IL2RA: variants seen among roughly 807,000 people sequenced by gnomAD.
The protein encoded by IL2RA is interleukin 2 receptor subunit alpha.
IL2RA carries 24 observed loss-of-function variants against 37.8 expected under a neutral mutation model. That is an observed-to-expected ratio of 0.63 (90% CI 0.46 to 0.89). The LOEUF (loss-of-function observed/expected upper bound fraction) is 0.89. IL2RA is among the 40% of genes least tolerant of loss of function. The pLI is 0.00. For synonymous variants in IL2RA, 125 were observed against 114.6 expected, an observed-to-expected ratio of 1.09 and a Z score of -0.58; for missense variants, 319 against 348.6, an observed-to-expected ratio of 0.92 and a Z score of 0.68.
intron 1 of IL2RA, among the ~76,000 whole-genome samples, chr10:6,040,232 G>A (rs1436693840): frequency 6.6e-6 from 1 of 152,176 alleles, no homozygotes; most frequent in Non-Finnish European, 1.5e-5. Flanking sequence ...TACTTTCTAA[G>A]CTGAAAAACA....
At position 6,018,207 on chromosome 10, in the gene IL2RA, A is replaced by G. The variant is rs1839311115; in HGVS notation, c.728-88T>C. ...CAGGGCCACAGGGCAGGCTGAGGAC[A>G]TCCCCAAAGAGCAAGGCGGAGGCTG... On this transcript the variant is annotated intron_variant, in intron 6 of 7. Coordinates refer to ENST00000379959, the MANE Select transcript of IL2RA (RefSeq NM_000417.3). The surrounding 1 kb of genome is among the most constrained non-coding windows in gnomAD (Gnocchi z 5.1). 5.1e-6 allele frequency: 5 copies of G among 987,606 alleles called. No homozygotes were observed. Among genetic ancestry groups the G allele is most frequent in the African/African-American group, 4.8e-5 (3 of 62,750 alleles). 61.2% of individuals were successfully genotyped at this position (987,606 alleles called of 1,614,324 possible).
chr10:6,046,440 C>T lies in IL2RA; in HGVS notation c.64+15648G>A, dbSNP rs1839861117. Among the ~76,000 whole-genome samples the T allele has an allele frequency of 1.3e-5, 2 of 152,114 alleles. No homozygotes were observed. Among genetic ancestry groups the T allele is most frequent in the South Asian group, 4.1e-4 (2 of 4,820 alleles). On this transcript the variant is annotated intron_variant, in intron 1 of 7. Transcript: ENST00000379959. This position sits in a 1 kb window ranked among gnomAD's most constrained non-coding sequence, Gnocchi z 4.8. ...ATGCTACCCCAGACATCGGGTAAGACAATGACATTTCAGGCACTGTGGGAT... is the reference window on the plus strand; with the variant it reads ...ATGCTACCCCAGACATCGGGTAAGATAATGACATTTCAGGCACTGTGGGAT...
Position 6,029,140 on chromosome 10 carries a change from ATTTATTTATTTATT to A in IL2RA, c.65-3129_65-3116del, listed in dbSNP as rs1839535108. Reference sequence around the variant, plus strand: ...TTGCTGCCATTTATTTTATTTATTTATTTATTTATTTATTTATTTATTTATTTATTTATTTATTT... The same window carrying A: ...TTGCTGCCATTTATTTTATTTATTTATATTTATTTATTTATTTATTTATTT... On this transcript the variant is annotated intron_variant, in intron 1 of 7. Transcript: ENST00000379959. This position sits in a 1 kb window ranked among gnomAD's most constrained non-coding sequence, Gnocchi z 4.6. Among the ~76,000 whole-genome samples the A allele has an allele frequency of 3.1e-5, 2 of 65,436 alleles. No individual in the cohort carries two copies. Among genetic ancestry groups the A allele is most frequent in the African/African-American group, 1.2e-4 (2 of 16,800 alleles). 42.9% of individuals were successfully genotyped at this position (65,436 alleles called of 152,430 possible). A position where few individuals can be genotyped will look rare whatever the true frequency, so the allele number is the denominator to read the frequency against.
chr10:6,059,515 TAAG>T lies in IL2RA; in HGVS notation c.64+2570_64+2572del, dbSNP rs1840093222. Among the ~76,000 whole-genome samples, 3 of 152,154 alleles carry T rather than the reference TAAG, an allele frequency of 2.0e-5. No individual in the cohort carries two copies. The South Asian group carries it at 6.2e-4, about 32-fold the overall frequency. On this transcript the variant is annotated intron_variant, in intron 1 of 7. Transcript: ENST00000379959. Reference sequence around the variant, plus strand: ...TTCTTTATTGCCTACTAGGTGAAGTTAAGAAGTTATCACTAGGAGAATTCTCTT... The same window carrying T: ...TTCTTTATTGCCTACTAGGTGAAGTTAAGTTATCACTAGGAGAATTCTCTT...
At position 6,029,801 on chromosome 10, in the gene IL2RA, T is replaced by A. The variant is rs1839548275; in HGVS notation, c.65-3776A>T. On this transcript the variant is annotated intron_variant, in intron 1 of 7. Coordinates refer to ENST00000379959, the MANE Select transcript of IL2RA (RefSeq NM_000417.3). The surrounding 1 kb of genome is among the most constrained non-coding windows in gnomAD (Gnocchi z 4.6). The stretch of plus-strand genomic sequence containing the variant: ...CTCACTGAAACCTCTGCCTCCCAGA[T>A]TCAAGTGATTCTTCTGCCTCAGCCT... Among the ~76,000 whole-genome samples the A allele has an allele frequency of 6.6e-6, 1 of 152,098 alleles. No homozygotes were observed. Among genetic ancestry groups the A allele is most frequent in the African/African-American group, 2.4e-5 (1 of 41,424 alleles).
At position 6,015,454 on chromosome 10, in the gene IL2RA, C is replaced by T. The variant is rs114731188; in HGVS notation, c.795-2558G>A. ...CAGAGTCTGCTCCCTGGAACGGCAG[C>T]GTCAGTATCACCTGGGAACCTGATA... On this transcript the variant is annotated intron_variant, in intron 7 of 7. Coordinates refer to ENST00000379959, the MANE Select transcript of IL2RA (RefSeq NM_000417.3). This position sits in a 1 kb window ranked among gnomAD's most constrained non-coding sequence, Gnocchi z 4.9. Among the ~76,000 whole-genome samples, 395 of 152,242 alleles carry T rather than the reference C, an allele frequency of 2.6e-3. No homozygotes were observed. Among genetic ancestry groups the T allele is most frequent in the African/African-American group, 9.2e-3 (381 of 41,554 alleles).
rs1444033179 is a variant in IL2RA, at chr10:6,025,159, GC to G, written c.256+674del. Reference sequence around the variant, plus strand: ...ACTTGAGGCCAGGAGTTCGAGACCAGCCTGGCCAACATGGCGAAACCCCATC... The same window carrying G: ...ACTTGAGGCCAGGAGTTCGAGACCAGCTGGCCAACATGGCGAAACCCCATC... On this transcript the variant is annotated intron_variant, in intron 2 of 7. Coordinates refer to ENST00000379959, the MANE Select transcript of IL2RA (RefSeq NM_000417.3). The surrounding 1 kb of genome is among the most constrained non-coding windows in gnomAD (Gnocchi z 4.4). Among the ~76,000 whole-genome samples, 1 of 151,964 alleles carries G rather than the reference GC, an allele frequency of 6.6e-6. No homozygotes were observed. Among genetic ancestry groups the G allele is most frequent in the Non-Finnish European group, 1.5e-5 (1 of 67,990 alleles).
Position 6,036,047 on chromosome 10 carries a change from A to G in IL2RA, c.65-10022T>C, listed in dbSNP as rs963696511. 2.0e-5 allele frequency: 3 copies of G among 152,304 alleles called. No homozygotes were observed. The highest frequency in any genetic ancestry group is 2.0e-4 in the Admixed American group (3 of 15,288). The allele number at this position is 152,304 out of a possible 1,614,324, so 9.4% of individuals were successfully genotyped here. ...GTGACGGAGAGCCACCTCCTCTGGA[A>G]TGCATCATGGAACAGGTCTGGGAGA... On this transcript the variant is annotated intron_variant, in intron 1 of 7. Coordinates refer to ENST00000379959, the MANE Select transcript of IL2RA (RefSeq NM_000417.3). This position sits in a 1 kb window ranked among gnomAD's most constrained non-coding sequence, Gnocchi z 6.1.
Position 6,020,732 on chromosome 10 carries a change from C to T in IL2RA, c.583+746G>A, listed in dbSNP as rs1589292790. Among the ~76,000 whole-genome samples, 2 of 152,058 alleles carry T rather than the reference C, an allele frequency of 1.3e-5. No homozygotes were observed. Among genetic ancestry groups the T allele is most frequent in the Non-Finnish European group, 2.9e-5 (2 of 68,018 alleles). On this transcript the variant is annotated intron_variant, in intron 4 of 7. Coordinates refer to ENST00000379959, the MANE Select transcript of IL2RA (RefSeq NM_000417.3). The surrounding 1 kb of genome is among the most constrained non-coding windows in gnomAD (Gnocchi z 5.6). Reference sequence around the variant, plus strand: ...ATTTTTAGTAGAGACGGGGTTTCACCATGTTGGCCAGGCTGGTCTCGAACT... The same window carrying T: ...ATTTTTAGTAGAGACGGGGTTTCACTATGTTGGCCAGGCTGGTCTCGAACT...
intron 7 of IL2RA, chr10:6,016,967 T>C (rs962959393): frequency 6.6e-6 from 1 of 152,264 alleles, no homozygotes; most frequent in African/African-American, 2.4e-5. Context: ...TGTTCTTCTA[T>C]TGTTGCAAAT....
chr10:6,026,296 G>T (rs778774695), intron 1 of IL2RA, among the ~76,000 whole-genome samples: 11 of 152,102 alleles, frequency 7.2e-5, no homozygotes, highest in Admixed American at 3.3e-4. Context: ...GTTTTATTCC[G>T]AATATGCCTC....
At chr10:6,024,664 A>T (rs1002518159) in intron 2 of IL2RA, among the ~76,000 whole-genome samples, 2 of 152,034 alleles carry the variant, frequency 1.3e-5, no homozygotes, top group Non-Finnish European at 2.9e-5. Context: ...CATGTATGTT[A>T]TGTGTGCATG....
At chr10:6,053,169 A>G (rs758067861) in intron 1 of IL2RA, among the ~76,000 whole-genome samples, 21 of 152,338 alleles carry the variant, frequency 1.4e-4, no homozygotes, top group Middle Eastern at 3.4e-3. Context: ...CTTTAGCAGC[A>G]GTTTAGACAG....
At chr10:6,019,767 TC>T (rs28360486) in intron 5 of IL2RA, 102 bp downstream of exon 5, 53,155 of 1,088,590 alleles carry the variant, frequency 0.049, 2,529 homozygotes, top group Admixed American at 0.21. Flanking sequence ...TGTGGGCTTC[TC>T]CCCTACAGGT....
chr10:6,044,906 T>C lies in IL2RA; in HGVS notation c.64+17182A>G, dbSNP rs1008006864. Among the ~76,000 whole-genome samples, 1 of 152,172 alleles carries C rather than the reference T, an allele frequency of 6.6e-6. No individual in the cohort carries two copies. Among genetic ancestry groups the C allele is most frequent in the African/African-American group, 2.4e-5 (1 of 41,444 alleles). On this transcript the variant is annotated intron_variant, in intron 1 of 7. Transcript: ENST00000379959. The surrounding 1 kb of genome is among the most constrained non-coding windows in gnomAD (Gnocchi z 4.5). ...GCATTAGCACTGGTGCTGTTACCCA[T>C]TGATTGGTTCATTCAAGCAAACATT...
chr10:6,023,689 C>T (rs1839427861), intron 3 of IL2RA, among the ~76,000 whole-genome samples: 1 of 152,232 alleles, frequency 6.6e-6, no homozygotes, highest in Admixed American at 6.5e-5. Context: ...AAGCAGAGGG[C>T]AGACAAGGGA....
chr10:6,050,976 C>A (rs1839945133), intron 1 of IL2RA, among the ~76,000 whole-genome samples: 1 of 152,102 alleles, frequency 6.6e-6, no homozygotes, highest in African/African-American at 2.4e-5. Context: ...CCAAAAGGCT[C>A]ACCCTGTGGT....
At chr10:6,023,227 C>A (rs1839417800) in intron 3 of IL2RA, among the ~76,000 whole-genome samples, 2 of 152,176 alleles carry the variant, frequency 1.3e-5, no homozygotes, top group Admixed American at 6.5e-5. Context: ...TGATACAGTT[C>A]TTTGTAAGGT....
intron 1 of IL2RA, among the ~76,000 whole-genome samples, chr10:6,051,730 G>C (rs1161766627): frequency 1.4e-5 from 2 of 141,306 alleles, no homozygotes; most frequent in African/African-American, 5.2e-5. Flanking sequence ...ATGTTGGTCA[G>C]CTGTTCTCGA....
Sources: gnomAD v4.1 joint callset for allele counts (sites outside exome capture counted in the v4.1 genomes callset) on GRCh38, gnomAD v4.1.1 for gene constraint, Gnocchi (gnomAD v3.1) non-coding constraint, MANE v1.5 for transcripts, NCBI Gene and HGNC (gene_info 2026-07-23, HGNC 2026-07-21) for gene names.